TENM2: variants seen among roughly 807,000 people sequenced by gnomAD.
TENM2 encodes teneurin-2.
A neutral mutation model predicts 245.2 loss-of-function variants in TENM2; 52 were observed. That is an observed-to-expected ratio of 0.21 (90% CI 0.17 to 0.27). TENM2 has a LOEUF of 0.27. TENM2 is among the 10% of genes least tolerant of loss of function. TENM2 has a pLI of 1.00. For synonymous variants in TENM2, 1,363 were observed against 1,438.9 expected, an observed-to-expected ratio of 0.95 and a Z score of 1.19; for missense variants, 3,046 against 3,666.8, an observed-to-expected ratio of 0.83 and a Z score of 4.37.
At chr5:167,296,552 G>GA (rs1267927210) in intron 1 of TENM2, 2 of 111,652 alleles carry the variant, frequency 1.8e-5, no homozygotes, top group Admixed American at 7.9e-5. Context: ...TCCTCAAAAA[G>GA]AAAAAAAGAA....
intron 2 of TENM2, among the ~76,000 whole-genome samples, chr5:167,606,433 A>G (rs1459719254): frequency 4.0e-5 from 6 of 151,626 alleles, no homozygotes; most frequent in African/African-American, 7.3e-5. Flanking sequence ...GGAAGAGGCA[A>G]CTCTTTCTGG....
the TENM2 span, among the ~76,000 whole-genome samples, chr5:167,176,882 G>A: frequency 2.0e-5 from 3 of 152,316 alleles, no homozygotes; most frequent in East Asian, 1.9e-4. Flanking sequence ...GATGGAGAAC[G>A]TGGATGGGGA....
chr5:168,125,636 C>T (rs938719290), intron 11 of TENM2, among the ~76,000 whole-genome samples: 1 of 152,026 alleles, frequency 6.6e-6, no homozygotes, highest in South Asian at 2.1e-4. Context: ...GCGATCATTC[C>T]GCCCCCTTCC....
At chr5:167,382,497 C>T (rs959911436) in intron 2 of TENM2, among the ~76,000 whole-genome samples, 1 of 152,098 alleles carries the variant, frequency 6.6e-6, no homozygotes, top group Non-Finnish European at 1.5e-5. Flanking sequence ...GCAGGATAGC[C>T]AAGGAACATT....
intron 3 of TENM2, among the ~76,000 whole-genome samples, chr5:167,877,372 T>C (rs1583260220): frequency 1.3e-5 from 2 of 152,230 alleles, no homozygotes; most frequent in Admixed American, 1.3e-4. Flanking sequence ...AGGCCTGATA[T>C]ATTTAGTAAA....
intron 12 of TENM2, chr5:168,129,789 C>T (rs918325840): frequency 6.6e-6 from 1 of 152,232 alleles, no homozygotes; most frequent in African/African-American, 2.4e-5. Context: ...AGCCCAGCAT[C>T]AGTTCTCCTC....
chr5:167,288,325 C>T (rs935755482), intron 1 of TENM2, among the ~76,000 whole-genome samples: 1 of 151,946 alleles, frequency 6.6e-6, no homozygotes, highest in African/African-American at 2.4e-5. Context: ...TTTGGGAGGC[C>T]GAGGTGGGCG....
chr5:167,568,931 C>T (rs1003918476), intron 2 of TENM2, among the ~76,000 whole-genome samples: 1 of 151,994 alleles, frequency 6.6e-6, no homozygotes, highest in African/African-American at 2.4e-5. Context: ...TTAGTTCTGT[C>T]TTTCTGTGTA....
intron 3 of TENM2, among the ~76,000 whole-genome samples, chr5:167,892,508 T>C (rs764273143): frequency 6.6e-5 from 10 of 152,218 alleles, no homozygotes; most frequent in Non-Finnish European, 1.3e-4. Flanking sequence ...GCATAGATCA[T>C]GAGGGGAGAG....
chr5:167,169,986 C>A, the TENM2 span, among the ~76,000 whole-genome samples: 1 of 152,168 alleles, frequency 6.6e-6, no homozygotes, highest in South Asian at 2.1e-4. Context: ...ATACCACTGA[C>A]CCATGTTTCT....
In TENM2 at chr5:168,203,846, T is replaced by G; in HGVS notation, c.3574+14T>G. ...ATGTTAAAAGTGGTACGTGAACACA[T>G]CTTCTTTCCCAAATACAGCCTTGCC... On this transcript the variant is annotated intron_variant, in intron 18 of 28. Coordinates refer to ENST00000518659, the Ensembl canonical transcript of TENM2. The G allele has an allele frequency of 1.3e-6, 2 of 1,590,214 alleles. No individual in the cohort carries two copies. The highest frequency in any genetic ancestry group is 1.7e-6 in the Non-Finnish European group (2 of 1,162,310).
At chr5:167,357,889 A>G (rs1406200258) in intron 1 of TENM2, among the ~76,000 whole-genome samples, 2 of 152,106 alleles carry the variant, frequency 1.3e-5, no homozygotes, top group Non-Finnish European at 2.9e-5. Context: ...AACCACATCT[A>G]CCATCCACAC....
At chr5:167,846,654 AG>A (rs962025853) in intron 2 of TENM2, among the ~76,000 whole-genome samples, 7 of 152,182 alleles carry the variant, frequency 4.6e-5, no homozygotes, top group African/African-American at 1.7e-4. Flanking sequence ...AGAATATTTT[AG>A]GTTTCTTTGA....
At chr5:167,482,960 ATCTT>A (rs973770904) in intron 2 of TENM2, among the ~76,000 whole-genome samples, 2 of 152,216 alleles carry the variant, frequency 1.3e-5, no homozygotes, top group East Asian at 1.9e-4. Context: ...TGAGAAGAAA[ATCTT>A]TCTTTCACTA....
chr5:167,067,500 A>G, the TENM2 span, among the ~76,000 whole-genome samples: 1 of 152,226 alleles, frequency 6.6e-6, no homozygotes, highest in African/African-American at 2.4e-5. Context: ...AGTTAAATTA[A>G]TTGAAATGCT....
intron 12 of TENM2, among the ~76,000 whole-genome samples, chr5:168,148,896 T>G (rs1756366698): frequency 7.4e-6 from 1 of 135,058 alleles, no homozygotes; most frequent in Non-Finnish European, 1.6e-5. Flanking sequence ...GATAGATAGA[T>G]AGATAGATAG....
At chr5:167,796,942 C>T (rs1483108499) in intron 2 of TENM2, among the ~76,000 whole-genome samples, 1 of 151,938 alleles carries the variant, frequency 6.6e-6, no homozygotes, top group African/African-American at 2.4e-5. Flanking sequence ...TTTCCTCCCT[C>T]ATACTGTCAA....
the TENM2 span, among the ~76,000 whole-genome samples, chr5:167,104,864 A>G: frequency 6.6e-6 from 1 of 152,298 alleles, no homozygotes; most frequent in East Asian, 1.9e-4. Context: ...CAAAAGCAGG[A>G]AATAGGGTAT....
At chr5:167,181,579 A>G in the TENM2 span, among the ~76,000 whole-genome samples, 2 of 151,836 alleles carry the variant, frequency 1.3e-5, no homozygotes, top group African/African-American at 4.8e-5. Context: ...TAAAGCACGC[A>G]ATATTTAAAT....
Sources: gnomAD v4.1 joint callset for allele counts (sites outside exome capture counted in the v4.1 genomes callset) on GRCh38, gnomAD v4.1.1 for gene constraint, MANE v1.5 for transcripts, NCBI Gene and HGNC (gene_info 2026-07-23, HGNC 2026-07-21) for gene names.